Variants in LRRC7 observed in about 807,000 individuals in gnomAD.
The protein encoded by LRRC7 is leucine-rich repeat-containing protein 7.
A neutral mutation model predicts 175.7 loss-of-function variants in LRRC7; 23 were observed. The observed-to-expected ratio is 0.13, with a 90% CI of 0.09 to 0.19. The LOEUF (loss-of-function observed/expected upper bound fraction) is 0.19, where lower values mean the gene tolerates loss of function less well. Among genes scored for constraint, LRRC7 ranks in the 10% least tolerant of loss-of-function variants. LRRC7 has a pLI of 1.00. For synonymous variants in LRRC7, 685 were observed against 680.9 expected (o/e 1.01, Z -0.09); for missense variants, 1,354 against 1,904.7 (o/e 0.71, Z 5.38).
intron 22 of LRRC7, among the ~76,000 whole-genome samples, chr1:70,051,132 A>G (rs1660713884): frequency 6.6e-6 from 1 of 152,038 alleles, no homozygotes; most frequent in African/African-American, 2.4e-5. Flanking sequence ...ATTTTTTAAC[A>G]CCAAAAAGAA....
intron 7 of LRRC7, among the ~76,000 whole-genome samples, chr1:69,916,455 A>G (rs911543847): frequency 1.3e-5 from 2 of 151,428 alleles, no homozygotes; most frequent in Non-Finnish European, 2.9e-5. Context: ...TTGAACATAC[A>G]GAGACTGGTG....
chr1:70,096,620 G>A (rs1291154254), intron 25 of LRRC7, among the ~76,000 whole-genome samples: 1 of 151,564 alleles, frequency 6.6e-6, no homozygotes, highest in African/African-American at 2.4e-5. Context: ...CGTTCCCTTT[G>A]TCCTCTCTGT....
chr1:69,880,070 GA>G (rs1686444901), intron 7 of LRRC7, among the ~76,000 whole-genome samples: 1 of 152,210 alleles, frequency 6.6e-6, no homozygotes, highest in Non-Finnish European at 1.5e-5. Flanking sequence ...ATTTCTCCGG[GA>G]AATGCTCCGA....
chr1:69,907,580 T>C (rs1646362018), intron 7 of LRRC7, among the ~76,000 whole-genome samples: 2 of 152,226 alleles, frequency 1.3e-5, no homozygotes, highest in Non-Finnish European at 2.9e-5. Flanking sequence ...TTTATGTATG[T>C]TGAACCAGCC....
chr1:69,616,518 GTTA>G lies in LRRC7; in HGVS notation c.2+47885_2+47887del, dbSNP rs1402599357. 3.9e-5 allele frequency among the ~76,000 whole-genome samples: 6 copies of G among 152,062 alleles called. No homozygotes were observed. The South Asian group carries it at 1.2e-3, about 31-fold the overall frequency. On this transcript the variant is annotated intron_variant, in intron 1 of 26. Coordinates refer to ENST00000651989, the MANE Select transcript of LRRC7 (RefSeq NM_001370785.2). ...AAGTTTCGGCAACCTTTTATTTAAAGTTATTATTATATTATAGAAAGCTTAATG... is the reference window on the plus strand; with the variant it reads ...AAGTTTCGGCAACCTTTTATTTAAAGTTATTATATTATAGAAAGCTTAATG...
intron 2 of LRRC7, among the ~76,000 whole-genome samples, chr1:69,713,505 CAGAA>C (rs1221976644): frequency 6.6e-6 from 1 of 151,936 alleles, no homozygotes; most frequent in Non-Finnish European, 1.5e-5. Context: ...CAAAAACAAA[CAGAA>C]AGAGCTTATT....
intron 23 of LRRC7, 51 bp from the exon 24 acceptor site, chr1:70,076,026 A>G (rs1662744523): frequency 3.8e-6 from 6 of 1,595,260 alleles, no homozygotes; most frequent in Non-Finnish European, 5.1e-6. Flanking sequence ...TACTTTAATC[A>G]CATCCTTTCA....
intron 4 of LRRC7, 27 bp from the exon 5 acceptor site, chr1:69,825,721 A>G (rs1449169524): frequency 3.5e-6 from 5 of 1,427,592 alleles, no homozygotes; most frequent in East Asian, 2.3e-5. Context: ...GAACATTTTC[A>G]TGTACTTTGT....
At chr1:69,874,371 G>C (rs2101590393) in intron 7 of LRRC7, 1 of 152,174 alleles carries the variant, frequency 6.6e-6, no homozygotes, top group East Asian at 1.9e-4. Context: ...ATTTTGAAAA[G>C]CTTGAAATTC....
At chr1:70,079,287 A>T (rs1295770273) in intron 24 of LRRC7, among the ~76,000 whole-genome samples, 4 of 152,206 alleles carry the variant, frequency 2.6e-5, no homozygotes. Context: ...GGGGCATATA[A>T]ATCAAAACAG....
intron 24 of LRRC7, among the ~76,000 whole-genome samples, chr1:70,089,039 C>T (rs562943195): frequency 1.8e-4 from 28 of 152,240 alleles, no homozygotes; most frequent in African/African-American, 6.7e-4. Flanking sequence ...AGCAATGTCT[C>T]CATATTGTTG....
At chr1:69,977,663 A>G (rs1384560079) in intron 8 of LRRC7, among the ~76,000 whole-genome samples, 2 of 152,192 alleles carry the variant, frequency 1.3e-5, no homozygotes, top group Admixed American at 1.3e-4. Flanking sequence ...AGTTATAAGC[A>G]TAATTGCTGC....
chr1:69,724,745 G>T (rs1248415432), intron 2 of LRRC7, among the ~76,000 whole-genome samples: 21 of 152,028 alleles, frequency 1.4e-4, no homozygotes, highest in Admixed American at 1.4e-3. Flanking sequence ...TTATACTTGT[G>T]GGTGGTAGAG....
At chr1:69,808,747 G>C (rs1472523128) in intron 4 of LRRC7, among the ~76,000 whole-genome samples, 1 of 151,946 alleles carries the variant, frequency 6.6e-6, no homozygotes, top group East Asian at 1.9e-4. Context: ...ATAATCTCTG[G>C]GACACAGCTA....
At chr1:69,671,947 G>A (rs1659139229) in intron 1 of LRRC7, among the ~76,000 whole-genome samples, 1 of 152,168 alleles carries the variant, frequency 6.6e-6, no homozygotes. Context: ...TCAGTGACAT[G>A]AAGTTAAAAC....
At chr1:70,057,765 A>G (rs1235230908) in intron 23 of LRRC7, among the ~76,000 whole-genome samples, 3 of 152,158 alleles carry the variant, frequency 2.0e-5, no homozygotes, top group Admixed American at 6.5e-5. Flanking sequence ...TTCAAGCACT[A>G]TAGAGAACAA....
chr1:69,797,945 G>A (rs920715447), intron 4 of LRRC7, among the ~76,000 whole-genome samples: 3 of 151,994 alleles, frequency 2.0e-5, no homozygotes, highest in East Asian at 1.9e-4. Flanking sequence ...TTTTTGAGAC[G>A]GAGTCTTGCT....
intron 12 of LRRC7, 86 bp downstream of exon 12, chr1:70,012,012 A>T (rs1656556378): frequency 2.3e-6 from 2 of 885,746 alleles, no homozygotes; most frequent in Non-Finnish European, 3.5e-6. Context: ...AGCAATGTAG[A>T]TTCATGAGTT....
chr1:69,588,954 A>G (rs1299649850), intron 1 of LRRC7, among the ~76,000 whole-genome samples: 1 of 151,000 alleles, frequency 6.6e-6, no homozygotes, highest in Non-Finnish European at 1.5e-5. Flanking sequence ...CTTCTTCCCT[A>G]TGCAGTTGGT....
Sources: allele counts gnomAD v4.1 joint callset (sites outside exome capture counted in the v4.1 genomes callset), GRCh38; gene constraint gnomAD v4.1.1; transcripts MANE v1.5; gene names NCBI Gene and HGNC (gene_info 2026-07-23, HGNC 2026-07-21).